HYDIN: variants seen among roughly 807,000 people sequenced by gnomAD.
HYDIN encodes axonemal central pair apparatus protein HYDIN.
A neutral mutation model predicts 403.9 loss-of-function variants in HYDIN; 132 were observed. That is an observed-to-expected ratio of 0.33 (90% confidence interval 0.28 to 0.38). The LOEUF is 0.38. HYDIN is among the 10% of genes least tolerant of loss of function. The pLI is 1.00. For missense variants in HYDIN, 2,827 were observed against 5,009.5 expected (o/e 0.56, Z 13.15); for synonymous variants, 1,202 against 1,891.7 (o/e 0.64, Z 9.46).
At chr16:70,932,742 T>G (rs1320496899) in intron 45 of HYDIN, among the ~76,000 whole-genome samples, 6 of 152,238 alleles carry the variant, frequency 3.9e-5, no homozygotes. Context: ...TTTTTAAAGG[T>G]TCACCTCATT....
intron 1 of HYDIN, among the ~76,000 whole-genome samples, chr16:71,228,975 C>T (rs1421992519): frequency 6.6e-6 from 1 of 151,950 alleles, no homozygotes; most frequent in Non-Finnish European, 1.5e-5. Context: ...ACTATGCAGC[C>T]ATAAAAAAGG....
chr16:71,046,568 C>T (rs895976668), intron 18 of HYDIN, among the ~76,000 whole-genome samples: 6 of 152,146 alleles, frequency 3.9e-5, no homozygotes, highest in Non-Finnish European at 5.9e-5. Context: ...AGAAGACATA[C>T]TCCAGGTGCC....
chr16:70,926,408 C>A (rs1217761818), intron 45 of HYDIN, among the ~76,000 whole-genome samples: 3 of 150,162 alleles, frequency 2.0e-5, no homozygotes, highest in African/African-American at 7.4e-5. Flanking sequence ...GGGAACTGAA[C>A]AATGAGAACA....
At chr16:70,943,559 T>A (rs1269103172) in intron 42 of HYDIN, among the ~76,000 whole-genome samples, 1 of 152,196 alleles carries the variant, frequency 6.6e-6, no homozygotes, top group Non-Finnish European at 1.5e-5. Flanking sequence ...ACAACATCAC[T>A]CTCTTTCTGG....
At chr16:71,195,631 G>A (rs1028335509) in intron 1 of HYDIN, among the ~76,000 whole-genome samples, 2 of 151,986 alleles carry the variant, frequency 1.3e-5, no homozygotes, top group African/African-American at 4.8e-5. Flanking sequence ...CTATTTATTT[G>A]ATCTTTTTAA....
At position 70,837,866 on chromosome 16, in the gene HYDIN, T is replaced by C. The variant is rs751431719; in HGVS notation, c.13066A>G (p.Thr4356Ala). ...PMSIDCLYTN[T>A]THLEVNSRVD... is the part of the protein sequence containing the mutation. The stretch of plus-strand genomic sequence containing the variant: ...CGGGAGTTCACCTCGAGGTGAGTGG[T>C]GTTGGTGTACAGACAATCTATGCTG... Residue 4356 changes from threonine to alanine, a missense_variant, in exon 77 of 86, where the codon ACC becomes GCC. Transcript: ENST00000393567. The C allele has an allele frequency of 6.2e-7, 1 of 1,613,840 alleles. No individual in the cohort carries two copies. The highest frequency in any genetic ancestry group is 8.5e-7 in the Non-Finnish European group (1 of 1,179,824).
rs949223716 is a variant in HYDIN at position 70,807,473 on chromosome 16, T to C, written c.*107A>G. 24 of 1,266,228 alleles carry C rather than the reference T, an allele frequency of 1.9e-5. No individual in the cohort carries two copies. The Admixed American group carries it at 3.0e-4, about 16-fold the overall frequency. 78.4% of individuals were successfully genotyped at this position (1,266,228 alleles called of 1,614,324 possible). On this transcript the variant is annotated 3_prime_UTR_variant, in exon 86 of 86. Transcript: ENST00000393567. Reference sequence around the variant, plus strand: ...GGGAAATAACTGCCCTATAATTGTATGAGAAGAATAAAAACAGTTCCTTTA... The same window carrying C: ...GGGAAATAACTGCCCTATAATTGTACGAGAAGAATAAAAACAGTTCCTTTA...
At chr16:70,978,302 G>A (rs965353280) in intron 30 of HYDIN, among the ~76,000 whole-genome samples, 97 of 149,352 alleles carry the variant, frequency 6.5e-4, no homozygotes, top group African/African-American at 2.2e-3. Flanking sequence ...CACCCAGTTC[G>A]CCCTGTCCCC....
intron 45 of HYDIN, among the ~76,000 whole-genome samples, chr16:70,932,009 C>CAA (rs57391181): frequency 0.018 from 518 of 29,028 alleles, 43 homozygotes; most frequent in East Asian, 0.037. Context: ...AGACTTGTAT[C>CAA]AAAAAAAAAA....
chr16:70,942,659 G>A (rs1040553811), intron 42 of HYDIN, among the ~76,000 whole-genome samples: 55 of 152,364 alleles, frequency 3.6e-4, no homozygotes, highest in Non-Finnish European at 7.5e-4. Flanking sequence ...CAAGAAGCTT[G>A]TGTCAGAATG....
chr16:71,037,020 G>C (rs2081111234), intron 18 of HYDIN, among the ~76,000 whole-genome samples: 1 of 150,456 alleles, frequency 6.6e-6, no homozygotes, highest in African/African-American at 2.4e-5. Context: ...GATAGAAATA[G>C]GGTGGGAGGG....
intron 35 of HYDIN, among the ~76,000 whole-genome samples, chr16:70,972,805 C>T (rs997603796): frequency 1.6e-4 from 24 of 152,278 alleles, no homozygotes; most frequent in African/African-American, 5.8e-4. Flanking sequence ...GGGGCAGGTC[C>T]CCTGTAATCA....
In HYDIN at chr16:71,027,371, T is replaced by G; in HGVS notation, c.3042+231A>C. 3.5e-6 allele frequency: 5 copies of G among 1,418,180 alleles called. No homozygotes were observed. In the South Asian group the frequency reaches 6.1e-5, roughly 17 times the overall value. 87.8% of individuals were successfully genotyped at this position (1,418,180 alleles called of 1,614,324 possible). ...GGCTGGTCACTGTGGACCCTGGGCA[T>G]GAGAACCTCCTTTAAGATTGGGTTC... On this transcript the variant is annotated intron_variant, in intron 20 of 85. Transcript: ENST00000393567.
intron 5 of HYDIN, among the ~76,000 whole-genome samples, chr16:71,173,965 T>C (rs574843255): frequency 2.6e-5 from 4 of 152,260 alleles, no homozygotes; most frequent in African/African-American, 9.6e-5. Context: ...ATCAGCTTCC[T>C]ACAAAAATGA....
chr16:71,203,742 C>T (rs2088146387), intron 1 of HYDIN: 2 of 455,992 alleles, frequency 4.4e-6, no homozygotes, highest in Admixed American at 2.3e-5. Context: ...TTTGCAGAGG[C>T]TCATATGGGT....
intron 3 of HYDIN, 52 bp downstream of exon 3, chr16:71,184,813 T>C: frequency 6.7e-7 from 1 of 1,486,174 alleles, no homozygotes; most frequent in Non-Finnish European, 9.1e-7. Context: ...TCTGGAATTT[T>C]GGTGTTGTGC....
intron 7 of HYDIN, among the ~76,000 whole-genome samples, chr16:71,139,095 G>GAAAAAAAAAAA (rs71758936): frequency 7.7e-5 from 8 of 103,814 alleles, no homozygotes; most frequent in South Asian, 3.1e-4. Context: ...AAATAAAGAA[G>GAAAAAAAAAAA]AAAAAAAAAA....
Position 70,981,449 on chromosome 16 carries a change from A to G in HYDIN, c.4452T>C (p.Thr1484=), listed in dbSNP as rs760288460. The G allele has an allele frequency of 6.2e-7, 1 of 1,613,896 alleles. No individual in the cohort carries two copies. Among genetic ancestry groups the G allele is most frequent in the Non-Finnish European group, 8.5e-7 (1 of 1,179,922 alleles). ...GGGGAAAGATTCCCTCTCCGCTCAG[A>G]GTGATATTTTCTGGGTCCAGGTGGG... is the stretch of plus-strand genomic sequence containing the variant. ...QIAHLDPENI[T]LSGEGIFPQI... Residue 1484 remains threonine, a synonymous_variant, in exon 29 of 86, where the codon ACT becomes ACC. Coordinates refer to ENST00000393567, the MANE Select transcript of HYDIN (RefSeq NM_001270974.2).
chr16:71,079,089 G>T (rs1337411302), intron 13 of HYDIN, among the ~76,000 whole-genome samples: 1 of 151,502 alleles, frequency 6.6e-6, no homozygotes, highest in Non-Finnish European at 1.5e-5. Flanking sequence ...CCTCCTTTCT[G>T]CTGGCTGGAA....
Sources: allele counts gnomAD v4.1 joint callset (sites outside exome capture counted in the v4.1 genomes callset), GRCh38; gene constraint gnomAD v4.1.1; transcripts MANE v1.5; gene names NCBI Gene and HGNC (gene_info 2026-07-23, HGNC 2026-07-21).